The following ROBO2 variants were observed in gnomAD, a reference collection of about 807,000 sequenced individuals.
ROBO2 encodes roundabout homolog 2.
ROBO2 carries 53 observed loss-of-function variants against 160.8 expected under a neutral mutation model. The observed-to-expected ratio is 0.33, with a 90% CI of 0.26 to 0.41. ROBO2 has a LOEUF of 0.41. ROBO2 is among the 10% of genes least tolerant of loss of function. The pLI is 1.00. For synonymous variants in ROBO2, 664 were observed against 611.7 expected, an observed-to-expected ratio of 1.09 and a Z score of -1.26; for missense variants, 1,577 against 1,722.4, an observed-to-expected ratio of 0.92 and a Z score of 1.49.
chr3:77,099,692 T>C (rs2071637416), intron 2 of ROBO2, among the ~76,000 whole-genome samples: 1 of 152,170 alleles, frequency 6.6e-6, no homozygotes, highest in African/African-American at 2.4e-5. Flanking sequence ...TTCAAACATA[T>C]TGAAATACCT....
At chr3:77,305,426 T>C (rs2063018012) in intron 2 of ROBO2, among the ~76,000 whole-genome samples, 1 of 152,204 alleles carries the variant, frequency 6.6e-6, no homozygotes, top group African/African-American at 2.4e-5. Flanking sequence ...GAATGTGCCA[T>C]GCACAGCAAT....
chr3:76,988,884 T>C (rs112879592), intron 2 of ROBO2, among the ~76,000 whole-genome samples: 12 of 152,130 alleles, frequency 7.9e-5, no homozygotes, highest in African/African-American at 2.9e-4. Context: ...ATGCTGCACA[T>C]TTAAAGACCT....
intron 2 of ROBO2, among the ~76,000 whole-genome samples, chr3:76,058,586 A>T (rs1287327152): frequency 7.8e-6 from 1 of 127,606 alleles, no homozygotes; most frequent in East Asian, 2.1e-4. Context: ...GAAACAGCAG[A>T]AACTTTTTTT....
At chr3:76,633,595 C>T (rs1360316710) in intron 2 of ROBO2, among the ~76,000 whole-genome samples, 1 of 152,144 alleles carries the variant, frequency 6.6e-6, no homozygotes, top group Non-Finnish European at 1.5e-5. Context: ...AAATAGTGAC[C>T]TGGGAACATG....
chr3:76,978,925 TG>T (rs946429087), intron 2 of ROBO2, among the ~76,000 whole-genome samples: 16 of 138,142 alleles, frequency 1.2e-4, no homozygotes, highest in African/African-American at 1.9e-4. Flanking sequence ...GAGTTTTTTT[TG>T]TTTGTTTGTT....
At chr3:76,992,783 C>G (rs1319170213) in intron 2 of ROBO2, among the ~76,000 whole-genome samples, 1 of 151,902 alleles carries the variant, frequency 6.6e-6, no homozygotes, top group East Asian at 1.9e-4. Flanking sequence ...CATTTTCTAC[C>G]ACAGTCATTC....
chr3:77,067,945 A>G (rs895982880), intron 1 of ROBO2, among the ~76,000 whole-genome samples: 6 of 152,178 alleles, frequency 3.9e-5, no homozygotes, highest in Admixed American at 2.6e-4. Context: ...TTTTTTCTAG[A>G]GTATACCTGT....
At chr3:77,287,605 T>C (rs1196755614) in intron 2 of ROBO2, among the ~76,000 whole-genome samples, 2 of 152,188 alleles carry the variant, frequency 1.3e-5, no homozygotes, top group East Asian at 3.9e-4. Flanking sequence ...TAAGGAAACA[T>C]TCAGCAAGTA....
intron 2 of ROBO2, among the ~76,000 whole-genome samples, chr3:77,023,946 C>A (rs931324304): frequency 4.6e-5 from 7 of 152,054 alleles, no homozygotes; most frequent in African/African-American, 1.7e-4. Flanking sequence ...ATACAGTATG[C>A]CTTATAGTTA....
At chr3:76,556,705 T>G (rs2083815220) in intron 2 of ROBO2, among the ~76,000 whole-genome samples, 1 of 152,302 alleles carries the variant, frequency 6.6e-6, no homozygotes, top group South Asian at 2.1e-4. Context: ...AATTAATTCA[T>G]AGTGACTTTG....
chr3:75,943,760 G>A (rs1380120265), intron 2 of ROBO2, among the ~76,000 whole-genome samples: 3 of 152,016 alleles, frequency 2.0e-5, no homozygotes, highest in African/African-American at 4.8e-5. Flanking sequence ...GGAGTGCAGT[G>A]ACACAATCTT....
chr3:76,011,604 T>A (rs1043378038), intron 2 of ROBO2, among the ~76,000 whole-genome samples: 3 of 151,974 alleles, frequency 2.0e-5, no homozygotes, highest in Non-Finnish European at 4.4e-5. Flanking sequence ...CTCTCTGCAA[T>A]GGACACAGAA....
At chr3:77,340,681 C>A (rs2066968015) in intron 2 of ROBO2, among the ~76,000 whole-genome samples, 1 of 152,010 alleles carries the variant, frequency 6.6e-6, no homozygotes, top group African/African-American at 2.4e-5. Context: ...CATTTAAGTC[C>A]TTTTTGCTGG....
At chr3:77,063,306 T>G (rs1437039473) in intron 1 of ROBO2, among the ~76,000 whole-genome samples, 1 of 152,128 alleles carries the variant, frequency 6.6e-6, no homozygotes, top group Admixed American at 6.5e-5. Context: ...CTCATGCAAT[T>G]CTTGATGTGC....
chr3:77,070,985 C>G (rs1046650474), intron 1 of ROBO2, among the ~76,000 whole-genome samples: 2 of 151,862 alleles, frequency 1.3e-5, no homozygotes, highest in South Asian at 4.2e-4. Flanking sequence ...TCTTACAGAC[C>G]GGGGAAAAGT....
At chr3:76,359,392 T>C (rs1018839619) in intron 2 of ROBO2, among the ~76,000 whole-genome samples, 3 of 152,084 alleles carry the variant, frequency 2.0e-5, no homozygotes, top group Non-Finnish European at 2.9e-5. Flanking sequence ...GAAACTATTA[T>C]GTTGTTCTGT....
chr3:77,116,337 G>A (rs993055727), intron 2 of ROBO2, among the ~76,000 whole-genome samples: 1 of 152,102 alleles, frequency 6.6e-6, no homozygotes, highest in Admixed American at 6.5e-5. Context: ...GTATGGCATG[G>A]GCTTGTCATG....
intron 2 of ROBO2, among the ~76,000 whole-genome samples, chr3:76,068,643 TC>T (rs1002515007): frequency 1.3e-5 from 2 of 152,176 alleles, no homozygotes; most frequent in Non-Finnish European, 2.9e-5. Context: ...AAAATACCTT[TC>T]CATATTCTAC....
chr3:76,886,209 T>C lies in ROBO2; in HGVS notation c.110-211805T>C, dbSNP rs896545149. On this transcript the variant is annotated intron_variant, in intron 2 of 26. Coordinates refer to the ROBO2 transcript ENST00000487694. ...ATAAAGAATTAGCACATAAACTTTTTCTTGAGATTCTACGCCTTTTATAGC... is the reference window on the plus strand; with the variant it reads ...ATAAAGAATTAGCACATAAACTTTTCCTTGAGATTCTACGCCTTTTATAGC... 3.3e-5 allele frequency among the ~76,000 whole-genome samples: 5 copies of C among 151,860 alleles called. No homozygotes were observed. In the South Asian group the frequency reaches 1.0e-3, roughly 32 times the overall value.
Sources: allele counts gnomAD v4.1 joint callset (sites outside exome capture counted in the v4.1 genomes callset), GRCh38; gene constraint gnomAD v4.1.1; transcripts MANE v1.5; gene names NCBI Gene and HGNC (gene_info 2026-07-23, HGNC 2026-07-21).